The following TANC1 variants were observed in gnomAD, a reference collection of about 807,000 sequenced individuals.
The protein encoded by TANC1 is protein TANC1.
TANC1 carries 77 observed loss-of-function variants against 149.7 expected under a neutral mutation model. The observed-to-expected ratio is 0.51, with a 90% confidence interval of 0.43 to 0.62. The LOEUF (loss-of-function observed/expected upper bound fraction) is 0.62. TANC1 is among the 20% of genes least tolerant of loss of function. The pLI is 0.00. For missense variants in TANC1, 1,985 were observed against 2,321.8 expected, an observed-to-expected ratio of 0.85 and a Z score of 2.98; for synonymous variants, 854 against 925.0, an observed-to-expected ratio of 0.92 and a Z score of 1.39.
intron 1 of TANC1, among the ~76,000 whole-genome samples, chr2:158,990,945 C>T (rs1055860672): frequency 1.3e-4 from 19 of 151,394 alleles, no homozygotes; most frequent in Admixed American, 9.2e-4. Flanking sequence ...TGGTGGCGGG[C>T]GGCTCCAGTC....
At chr2:159,000,177 G>A (rs2036498870) in intron 1 of TANC1, among the ~76,000 whole-genome samples, 1 of 152,080 alleles carries the variant, frequency 6.6e-6, no homozygotes, top group South Asian at 2.1e-4. Context: ...TGAACCGGGT[G>A]GTGTGTGTGG....
intron 2 of TANC1, among the ~76,000 whole-genome samples, chr2:159,007,395 C>G (rs773419534): frequency 6.6e-6 from 1 of 152,188 alleles, no homozygotes; most frequent in Non-Finnish European, 1.5e-5. Context: ...ATCCGCCCTC[C>G]TTGGCCTCCC....
At chr2:159,108,324 C>T (rs1049922806) in intron 4 of TANC1, among the ~76,000 whole-genome samples, 6 of 152,154 alleles carry the variant, frequency 3.9e-5, no homozygotes, top group Non-Finnish European at 5.9e-5. Context: ...CCCATTTTCA[C>T]GCTTTGGCAT....
At chr2:159,034,617 A>G (rs904940435) in intron 2 of TANC1, among the ~76,000 whole-genome samples, 4 of 152,200 alleles carry the variant, frequency 2.6e-5, no homozygotes, top group African/African-American at 9.6e-5. Flanking sequence ...GTCTCATGGA[A>G]ATGGAAGCTG....
intron 2 of TANC1, among the ~76,000 whole-genome samples, chr2:159,022,631 G>A (rs927775631): frequency 1.3e-5 from 2 of 152,164 alleles, no homozygotes; most frequent in Admixed American, 6.5e-5. Flanking sequence ...TGTTGTCCTC[G>A]GGAGGCTGAG....
At chr2:159,028,141 A>G (rs2039497958) in intron 2 of TANC1, among the ~76,000 whole-genome samples, 1 of 151,914 alleles carries the variant, frequency 6.6e-6, no homozygotes, top group Non-Finnish European at 1.5e-5. Context: ...TTTTCTTGAT[A>G]CGGAGTCTCA....
intron 17 of TANC1, among the ~76,000 whole-genome samples, chr2:159,194,910 T>C (rs2057738437): frequency 6.6e-6 from 1 of 152,206 alleles, no homozygotes; most frequent in Non-Finnish European, 1.5e-5. Context: ...GAAGAAGCCA[T>C]GTGCCTGAGC....
At chr2:159,018,765 T>G (rs1026889263) in intron 2 of TANC1, among the ~76,000 whole-genome samples, 2 of 152,242 alleles carry the variant, frequency 1.3e-5, no homozygotes, top group African/African-American at 4.8e-5. Context: ...CTGATGGCTC[T>G]AGTAATTCTT....
chr2:159,096,890 G>T (rs746263526), intron 3 of TANC1, among the ~76,000 whole-genome samples: 13 of 152,192 alleles, frequency 8.5e-5, no homozygotes, highest in Admixed American at 4.6e-4. Context: ...TTAAAATGGA[G>T]AATCAAAGAA....
intron 14 of TANC1, among the ~76,000 whole-genome samples, chr2:159,181,213 A>AT (rs1256434298): frequency 6.6e-6 from 1 of 152,184 alleles, no homozygotes; most frequent in Non-Finnish European, 1.5e-5. Flanking sequence ...AAGTCTTAGA[A>AT]AAGTGTCATT....
At chr2:159,201,709 G>A (rs561228459) in intron 19 of TANC1, among the ~76,000 whole-genome samples, 3 of 152,340 alleles carry the variant, frequency 2.0e-5, no homozygotes, top group African/African-American at 7.2e-5. Flanking sequence ...ATATGGGAAG[G>A]TGGCAGAAAA....
Position 159,041,048 on chromosome 2 carries a change from G to A in TANC1, c.-15-24848G>A, listed in dbSNP as rs1342901580. ...AGCTGCAGGTCTGTTGGAGTTTGCTGGAGGTTCACTACAGACCCTGTTTGC... is the reference window on the plus strand; with the variant it reads ...AGCTGCAGGTCTGTTGGAGTTTGCTAGAGGTTCACTACAGACCCTGTTTGC... On this transcript the variant is annotated intron_variant, in intron 2 of 26. Coordinates refer to ENST00000263635, the MANE Select transcript of TANC1 (RefSeq NM_033394.3). 3.9e-5 allele frequency among the ~76,000 whole-genome samples: 6 copies of A among 152,234 alleles called. No individual in the cohort carries two copies. In the South Asian group the frequency reaches 6.2e-4, roughly 16 times the overall value.
At chr2:159,104,929 G>A (rs1165247890) in intron 4 of TANC1, among the ~76,000 whole-genome samples, 1 of 103,970 alleles carries the variant, frequency 9.6e-6, no homozygotes, top group East Asian at 3.4e-4. Flanking sequence ...GTTGTCCATT[G>A]TTTCAGTATC....
At chr2:159,150,693 C>T in intron 7 of TANC1, 137 bp downstream of exon 7, 1 of 633,392 alleles carries the variant, frequency 1.6e-6, no homozygotes, top group Non-Finnish European at 2.8e-6. Context: ...TTGCAGGCAG[C>T]ACTGACTCCA....
intron 19 of TANC1, among the ~76,000 whole-genome samples, chr2:159,213,607 T>C (rs901786759): frequency 9.2e-5 from 14 of 152,076 alleles, no homozygotes; most frequent in African/African-American, 3.4e-4. Context: ...AGCTGTAGCA[T>C]CCCTGCCCTT....
At chr2:159,136,435 G>C in intron 5 of TANC1, 137 bp downstream of exon 5, 1 of 612,252 alleles carries the variant, frequency 1.6e-6, no homozygotes. Flanking sequence ...CCCTCCAGCA[G>C]TTACAGAGAT....
At chr2:158,995,849 C>G (rs1030149379) in intron 1 of TANC1, among the ~76,000 whole-genome samples, 1 of 152,176 alleles carries the variant, frequency 6.6e-6, no homozygotes, top group African/African-American at 2.4e-5. Flanking sequence ...TTACAGCCGA[C>G]CCGAGGGCAT....
intron 3 of TANC1, among the ~76,000 whole-genome samples, chr2:159,096,849 G>C (rs529830498): frequency 4.6e-4 from 70 of 152,308 alleles, no homozygotes; most frequent in Non-Finnish European, 6.2e-4. Context: ...AACTAGAAGC[G>C]AGAAGCCAAA....
rs780619950 is a variant in TANC1, at chr2:159,065,920, G to C, written c.10G>C (p.Ala4Pro). 6 of 1,613,762 alleles carry C rather than the reference G, an allele frequency of 3.7e-6. No homozygotes were observed. The African/African-American group carries it at 4.0e-5, about 11-fold the overall frequency. MLK[A>P]VLKKSREGGK... ...GAAACAAGTGTTGAAAATGTTAAAG[G>C]CTGTGCTGAAGAAGAGCCGAGAGGG... Residue 4 changes from alanine to proline, a missense_variant, in exon 3 of 27, where the codon GCT becomes CCT. Ala to Pro is a conservative substitution (Grantham distance 27). Coordinates refer to ENST00000263635, the MANE Select transcript of TANC1 (RefSeq NM_033394.3).
Sources: gnomAD v4.1 joint callset for allele counts (sites outside exome capture counted in the v4.1 genomes callset) on GRCh38, gnomAD v4.1.1 for gene constraint, MANE v1.5 for transcripts, NCBI Gene and HGNC (gene_info 2026-07-23, HGNC 2026-07-21) for gene names.